SLC2A12: variants seen among roughly 807,000 people sequenced by gnomAD.
The protein encoded by SLC2A12 is solute carrier family 2 member 12, also known as solute carrier family 2, facilitated glucose transporter member 12.
A neutral mutation model predicts 41.8 loss-of-function variants in SLC2A12; 23 were observed. The ratio of observed to expected loss-of-function variants is 0.55; its 90% CI spans 0.40 to 0.78. SLC2A12 has a LOEUF of 0.78. Ranked by LOEUF, SLC2A12 falls within the 30% of genes least tolerant of loss-of-function variation. The pLI is 0.00. For synonymous variants in SLC2A12, 295 were observed against 285.9 expected (o/e 1.03, Z -0.32); for missense variants, 654 against 745.6 (o/e 0.88, Z 1.43).
At chr6:134,020,066 C>A (rs992264867) in intron 2 of SLC2A12, among the ~76,000 whole-genome samples, 1 of 152,010 alleles carries the variant, frequency 6.6e-6, no homozygotes, top group African/African-American at 2.4e-5. Context: ...CATGAGTACC[C>A]CTCCTGGATT....
intron 1 of SLC2A12, 23 bp downstream of exon 1, chr6:134,052,355 C>G: frequency 6.2e-7 from 1 of 1,600,804 alleles, no homozygotes; most frequent in Non-Finnish European, 8.5e-7. Flanking sequence ...TGCGGTCACC[C>G]GAGCACTGCA....
intron 4 of SLC2A12, among the ~76,000 whole-genome samples, chr6:133,994,749 T>A (rs1222959787): frequency 6.6e-6 from 1 of 151,918 alleles, no homozygotes; most frequent in Admixed American, 6.6e-5. Flanking sequence ...AAACTAACAT[T>A]GACTGAGATC....
intron 2 of SLC2A12, chr6:134,009,176 G>A (rs1350047460): frequency 6.6e-6 from 1 of 151,374 alleles, no homozygotes; most frequent in Non-Finnish European, 1.5e-5. Flanking sequence ...AACTGCCAGG[G>A]GCTTGTCTAG....
intron 2 of SLC2A12, among the ~76,000 whole-genome samples, chr6:134,021,461 T>C (rs1424681593): frequency 1.3e-5 from 2 of 152,168 alleles, no homozygotes; most frequent in East Asian, 3.8e-4. Context: ...AAAATAAACA[T>C]ACAGAAGTAA....
At chr6:133,995,683 G>A (rs2114417396) in intron 4 of SLC2A12, among the ~76,000 whole-genome samples, 1 of 152,306 alleles carries the variant, frequency 6.6e-6, no homozygotes, top group East Asian at 1.9e-4. Context: ...CTGGATGGCT[G>A]CAGACACTTA....
intron 1 of SLC2A12, among the ~76,000 whole-genome samples, chr6:134,036,165 T>A (rs1345155010): frequency 6.6e-6 from 1 of 152,132 alleles, no homozygotes; most frequent in Admixed American, 6.5e-5. Context: ...ACACAGGTGG[T>A]TTCTTTTTTT....
intron 1 of SLC2A12, among the ~76,000 whole-genome samples, chr6:134,047,574 C>T (rs556418223): frequency 1.3e-5 from 2 of 152,292 alleles, no homozygotes; most frequent in Admixed American, 6.5e-5. Context: ...TCTGTCTCTA[C>T]CAACTAGTGT....
intron 2 of SLC2A12, among the ~76,000 whole-genome samples, chr6:134,019,546 T>C (rs1273462178): frequency 4.6e-5 from 7 of 152,194 alleles, no homozygotes; most frequent in Admixed American, 4.6e-4. Context: ...GAAAGATAAG[T>C]TATGGACAAC....
chr6:134,020,053 T>G (rs1031247453), intron 2 of SLC2A12, among the ~76,000 whole-genome samples: 2 of 149,982 alleles, frequency 1.3e-5, no homozygotes, highest in Admixed American at 6.6e-5. Context: ...GTATGTAAGA[T>G]TACATGAGTA....
intron 1 of SLC2A12, among the ~76,000 whole-genome samples, chr6:134,045,207 A>G (rs947474330): frequency 1.3e-5 from 2 of 152,268 alleles, no homozygotes; most frequent in Non-Finnish European, 2.9e-5. Context: ...TACAAGTTAC[A>G]TAAAAAGTTA....
At chr6:134,049,783 C>A (rs1487591802) in intron 1 of SLC2A12, among the ~76,000 whole-genome samples, 1 of 152,150 alleles carries the variant, frequency 6.6e-6, no homozygotes, top group Admixed American at 6.5e-5. Flanking sequence ...GAAAGACCTA[C>A]CAAAATTTTT....
chr6:134,048,424 C>T (rs1347892366), intron 1 of SLC2A12, among the ~76,000 whole-genome samples: 1 of 152,052 alleles, frequency 6.6e-6, no homozygotes, highest in East Asian at 1.9e-4. Context: ...TGGTAAAACC[C>T]CATCTCTACT....
chr6:134,043,716 C>T (rs763115504), intron 1 of SLC2A12, among the ~76,000 whole-genome samples: 3 of 146,610 alleles, frequency 2.0e-5, no homozygotes, highest in South Asian at 2.2e-4. Context: ...CGCTTGAACC[C>T]GGGAGGCAGA....
chr6:134,006,616 G>A (rs1357120552), intron 3 of SLC2A12, among the ~76,000 whole-genome samples, 196 bp downstream of exon 3: 3 of 152,240 alleles, frequency 2.0e-5, no homozygotes, highest in Admixed American at 1.3e-4. Context: ...ATTGGGTAGG[G>A]GAAGAGCAGG....
At chr6:134,001,125 A>G (rs1776749033) in intron 4 of SLC2A12, among the ~76,000 whole-genome samples, 1 of 151,496 alleles carries the variant, frequency 6.6e-6, no homozygotes. Context: ...TAGAGCTTTA[A>G]AATGTTCACC....
At chr6:134,038,414 T>A (rs944322222) in intron 1 of SLC2A12, among the ~76,000 whole-genome samples, 6 of 138,844 alleles carry the variant, frequency 4.3e-5, no homozygotes, top group African/African-American at 1.6e-4. Flanking sequence ...CAGGCTGGAG[T>A]GTAGTGGTGC....
chr6:134,029,409 G>A lies in SLC2A12; in HGVS notation c.416C>T (p.Ala139Val). ...AGAGAGGGAGATGGAGACCCCTATG[G>A]CAATGCGTCCCACTATAAGAACCGT... ...SYTVLIVGRIAIGVSISLSSI... is the reference protein window; with the variant it reads ...SYTVLIVGRIVIGVSISLSSI... Residue 139 changes from alanine (A) to valine (V), a missense_variant, in exon 2 of 5, where the codon GCC (alanine) becomes GTC (valine). Physicochemically the swap from Ala to Val is moderately conservative, Grantham distance 64. Around this residue, in one of 3 missense-constraint regions of SLC2A12, gnomAD observed 411 missense variants for 412.1 expected, o/e 1.00. Coordinates refer to ENST00000275230, the MANE Select transcript of SLC2A12 (RefSeq NM_145176.3). The A allele has an allele frequency of 6.2e-7, 1 of 1,614,104 alleles. No individual in the cohort carries two copies. Among genetic ancestry groups the A allele is most frequent in the African/African-American group, 1.3e-5 (1 of 75,016 alleles).
chr6:134,004,346 G>A (rs1236845961), intron 3 of SLC2A12, among the ~76,000 whole-genome samples: 2 of 152,090 alleles, frequency 1.3e-5, no homozygotes, highest in African/African-American at 4.8e-5. Context: ...CAAAAGGTAG[G>A]ATAGGAACAT....
At position 134,029,207 on chromosome 6, in the gene SLC2A12, C is replaced by G. The variant is rs777097091; in HGVS notation, c.618G>C (p.Leu206Phe). 1.8e-5 allele frequency: 29 copies of G among 1,614,010 alleles called. No individual in the cohort carries two copies. The highest frequency in any genetic ancestry group is 2.3e-5 in the Non-Finnish European group (27 of 1,180,044). ...ACATTGCAATTGCTTGCAAAACTCC[C>G]AAGGGAATCACAAGACCAAACATGT... The part of the protein sequence containing the change: ...WKYMFGLVIP[L>F]GVLQAIAMYF... The change falls in exon 2 of 5, where the codon TTG (leucine) becomes TTC (phenylalanine). Residue 206 changes from leucine (L) to phenylalanine (F), a missense_variant. Leu to Phe is a conservative substitution (Grantham distance 22). Around this residue, in one of 3 missense-constraint regions of SLC2A12, gnomAD observed 411 missense variants for 412.1 expected, o/e 1.00. Transcript: ENST00000275230.
Sources: gnomAD v4.1 joint callset for allele counts (sites outside exome capture counted in the v4.1 genomes callset) on GRCh38, gnomAD v4.1.1 for gene constraint, gnomAD v4.1.1 regional missense constraint, MANE v1.5 for transcripts, NCBI Gene and HGNC (gene_info 2026-07-23, HGNC 2026-07-21) for gene names.